TEAD3: variants seen among roughly 807,000 people sequenced by gnomAD.
TEAD3 encodes the protein TEA domain transcription factor 3, also known as transcriptional enhancer factor TEF-5.
Under a neutral mutation model 55.6 loss-of-function variants are expected in TEAD3, and 15 were observed. The observed-to-expected ratio is 0.27, with a 90% confidence interval of 0.18 to 0.42. The LOEUF is 0.42. Ranked by LOEUF, TEAD3 falls within the 10% of genes least tolerant of loss-of-function variation. TEAD3 has a pLI of 1.00. For synonymous variants in TEAD3, 210 were observed against 232.2 expected, an observed-to-expected ratio of 0.90 and a Z score of 0.87; for missense variants, 407 against 576.8, an observed-to-expected ratio of 0.71 and a Z score of 3.01.
chr6:35,486,312 G>T lies in TEAD3; in HGVS notation c.202+149C>A. 1.1e-6 allele frequency: 1 copy of T among 949,296 alleles called. No individual in the cohort carries two copies. Among genetic ancestry groups the T allele is most frequent in the Non-Finnish European group, 1.5e-6 (1 of 651,374 alleles). The allele number at this position is 949,296 out of a possible 1,614,324, so 58.8% of individuals were successfully genotyped here. A position where few individuals can be genotyped will look rare whatever the true frequency, so the allele number is the denominator to read the frequency against. Reference sequence around the variant, plus strand: ...GAGCCCGGCTTGTTTATGAGGAGGAGCGCGGAGGAGGATCCAGACACACAG... The same window carrying T: ...GAGCCCGGCTTGTTTATGAGGAGGATCGCGGAGGAGGATCCAGACACACAG... On this transcript the variant is annotated intron_variant, in intron 2 of 12. Transcript: ENST00000639578. The surrounding 1 kb of genome is among the most constrained non-coding windows in gnomAD (Gnocchi z 7.3).
chr6:35,491,151 G>A lies in TEAD3; in HGVS notation c.-49-4440C>T, dbSNP rs570431876. 3.7e-4 allele frequency among the ~76,000 whole-genome samples: 57 copies of A among 152,126 alleles called. No homozygotes were observed. Among genetic ancestry groups the A allele is most frequent in the African/African-American group, 1.3e-3 (55 of 41,494 alleles). ...TGACAGACAGAAAGCCCAACCCAGT[G>A]GGGGACAGACCAGAGCCCCGCAGAG... On this transcript the variant is annotated intron_variant, in intron 1 of 12. Coordinates refer to ENST00000639578, the Ensembl canonical transcript of TEAD3. The surrounding 1 kb of genome is among the most constrained non-coding windows in gnomAD (Gnocchi z 4.4).
chr6:35,478,584 GGCTGCATGAAGCCAGGGCCAC>G lies in TEAD3; in HGVS notation c.343-34_343-14del. 1.9e-6 allele frequency: 3 copies of G among 1,576,104 alleles called. No homozygotes were observed. Among genetic ancestry groups the G allele is most frequent in the Non-Finnish European group, 2.6e-6 (3 of 1,161,276 alleles). On this transcript the variant is annotated splice_polypyrimidine_tract_variant and intron_variant, in intron 5 of 12. Transcript: ENST00000639578. ...TGGAGACCTGGTCCTGGGGAGAGGAGGCTGCATGAAGCCAGGGCCACGCTGGATGAGGCCAGGCTTGCTTTA... is the reference window on the plus strand; with the variant it reads ...TGGAGACCTGGTCCTGGGGAGAGGAGGCTGGATGAGGCCAGGCTTGCTTTA...
chr6:35,478,148 C>T (rs1332867359), intron 7 of TEAD3, 127 bp downstream of exon 7: 3 of 1,196,082 alleles, frequency 2.5e-6, no homozygotes, highest in East Asian at 2.5e-5. Flanking sequence ...TGAGCCACCA[C>T]CCAGCCTGCA....
rs1437793633 is a variant in TEAD3 at position 35,488,081 on chromosome 6, C to T, written c.-49-1370G>A. On this transcript the variant is annotated intron_variant, in intron 1 of 12. Transcript: ENST00000639578. This position sits in a 1 kb window ranked among gnomAD's most constrained non-coding sequence, Gnocchi z 4.2. ...ATCTTCCCCCAAATCGATAACTAAC[C>T]AGAACTCTGCCAAGGGGCCTAATGT... Among the ~76,000 whole-genome samples, 1 of 152,196 alleles carries T rather than the reference C, an allele frequency of 6.6e-6. No homozygotes were observed. The highest frequency in any genetic ancestry group is 1.5e-5 in the Non-Finnish European group (1 of 68,044).
chr6:35,496,246 C>T lies in TEAD3; in HGVS notation c.-50+652G>A, dbSNP rs992001350. Among the ~76,000 whole-genome samples, 2 of 152,214 alleles carry T rather than the reference C, an allele frequency of 1.3e-5. No individual in the cohort carries two copies. Among genetic ancestry groups the T allele is most frequent in the Non-Finnish European group, 2.9e-5 (2 of 68,040 alleles). On this transcript the variant is annotated intron_variant, in intron 1 of 12. Transcript: ENST00000639578. The surrounding 1 kb of genome is among the most constrained non-coding windows in gnomAD (Gnocchi z 4.8). ...TCCAGACCCCTCCGAGCCAAGCTCACAGCGCTCAGGGCTGGAACTCTGAAT... is the reference window on the plus strand; with the variant it reads ...TCCAGACCCCTCCGAGCCAAGCTCATAGCGCTCAGGGCTGGAACTCTGAAT...
chr6:35,487,548 C>CAAAAA (rs869103103), intron 1 of TEAD3, among the ~76,000 whole-genome samples: 3 of 54,646 alleles, frequency 5.5e-5, no homozygotes, highest in African/African-American at 6.0e-5. Flanking sequence ...CGAGACTCCT[C>CAAAAA]AAAAAAAAAA....
rs1261109002 is a variant in TEAD3 at position 35,475,742 on chromosome 6, G to A, written c.901-36C>T. On this transcript the variant is annotated intron_variant, in intron 10 of 12. Transcript: ENST00000639578. The surrounding 1 kb of genome is among the most constrained non-coding windows in gnomAD (Gnocchi z 5.4). ...GGGTGGGGGGTGTTAGGTGCTGGCA[G>A]AGACCAGAAGTATTCCCGCCACACC... 3 of 1,535,798 alleles carry A rather than the reference G, an allele frequency of 2.0e-6. No individual in the cohort carries two copies. Among genetic ancestry groups the A allele is most frequent in the African/African-American group, 1.4e-5 (1 of 72,814 alleles).
chr6:35,475,751 A>G lies in TEAD3; in HGVS notation c.901-45T>C. 3 of 1,529,832 alleles carry G rather than the reference A, an allele frequency of 2.0e-6. No individual in the cohort carries two copies. The highest frequency in any genetic ancestry group is 2.6e-6 in the Non-Finnish European group (3 of 1,140,934). The allele number at this position is 1,529,832 out of a possible 1,614,324, so 94.8% of individuals were successfully genotyped here. ...GTGTTAGGTGCTGGCAGAGACCAGA[A>G]GTATTCCCGCCACACCACATCAGAG... is the stretch of plus-strand genomic sequence containing the variant. On this transcript the variant is annotated intron_variant, in intron 10 of 12. Transcript: ENST00000639578. This position sits in a 1 kb window ranked among gnomAD's most constrained non-coding sequence, Gnocchi z 5.4.
At chr6:35,480,789 G>C (rs1426564919) in intron 3 of TEAD3, among the ~76,000 whole-genome samples, 1 of 152,184 alleles carries the variant, frequency 6.6e-6, no homozygotes, top group Non-Finnish European at 1.5e-5. Flanking sequence ...TGCTGCCCAA[G>C]CTATGTGTCC....
intron 1 of TEAD3, among the ~76,000 whole-genome samples, chr6:35,493,416 C>G (rs1453099938): frequency 6.6e-6 from 1 of 152,120 alleles, no homozygotes; most frequent in Non-Finnish European, 1.5e-5. Context: ...CCACACTACC[C>G]GAGAGTCCCA....
chr6:35,482,362 C>A lies in TEAD3; in HGVS notation c.267+2198G>T, dbSNP rs57488933. 1.5e-3 allele frequency among the ~76,000 whole-genome samples: 230 copies of A among 152,272 alleles called. 2 individuals carry two copies. In the East Asian group the frequency reaches 0.04, roughly 27 times the overall value. Reference sequence around the variant, plus strand: ...TTGTCCTCACAACCAGAGGACAGATCCCCTTTCACTGGGATGTAAAAACCC... The same window carrying A: ...TTGTCCTCACAACCAGAGGACAGATACCCTTTCACTGGGATGTAAAAACCC... On this transcript the variant is annotated intron_variant, in intron 3 of 12. Coordinates refer to ENST00000639578, the Ensembl canonical transcript of TEAD3.
chr6:35,485,622 G>A lies in TEAD3; in HGVS notation c.202+839C>T, dbSNP rs910391376. On this transcript the variant is annotated intron_variant, in intron 2 of 12. Coordinates refer to ENST00000639578, the Ensembl canonical transcript of TEAD3. This position sits in a 1 kb window ranked among gnomAD's most constrained non-coding sequence, Gnocchi z 4.3. ...ACCCTGTCTAAAAATACCCTGTGGG[G>A]CTCCCCAGCCTGGGAGGCAGCAGTG... 2.0e-5 allele frequency among the ~76,000 whole-genome samples: 3 copies of A among 152,190 alleles called. No individual in the cohort carries two copies. Among genetic ancestry groups the A allele is most frequent in the Non-Finnish European group, 4.4e-5 (3 of 68,028 alleles).
chr6:35,476,269 G>A (rs989068258), intron 9 of TEAD3, 33 bp downstream of exon 9: 1 of 1,603,584 alleles, frequency 6.2e-7, no homozygotes, highest in Non-Finnish European at 8.5e-7. Context: ...CCACAATTGT[G>A]CAAAGCCTCA....
chr6:35,486,715 G>C lies in TEAD3; in HGVS notation c.-49-4C>G, dbSNP rs779435959. On this transcript the variant is annotated splice_polypyrimidine_tract_variant and splice_region_variant and intron_variant, in intron 1 of 12. Transcript: ENST00000639578. This position sits in a 1 kb window ranked among gnomAD's most constrained non-coding sequence, Gnocchi z 7.3. ...TGAGCCCACTGGGCGGCTGAGCCTGGGGGACAGACAGACAGGAACTGGGAC... is the reference window on the plus strand; with the variant it reads ...TGAGCCCACTGGGCGGCTGAGCCTGCGGGACAGACAGACAGGAACTGGGAC... 4 of 1,581,176 alleles carry C rather than the reference G, an allele frequency of 2.5e-6. No individual in the cohort carries two copies. The highest frequency in any genetic ancestry group is 3.4e-6 in the Non-Finnish European group (4 of 1,159,504).
chr6:35,477,158 T>A (rs184002646), intron 8 of TEAD3, among the ~76,000 whole-genome samples, 153 bp downstream of exon 8: 1 of 152,272 alleles, frequency 6.6e-6, no homozygotes, highest in African/African-American at 2.4e-5. Flanking sequence ...GAAGCAACAT[T>A]GTACAAGGTA....
intron 1 of TEAD3, among the ~76,000 whole-genome samples, chr6:35,487,332 T>C (rs370632229): frequency 2.0e-5 from 3 of 152,014 alleles, no homozygotes; most frequent in African/African-American, 7.3e-5. Context: ...GGTGGTTGGA[T>C]CATGAGGTCA....
rs955848466 is a variant in TEAD3, at chr6:35,474,903, G to A, written c.*141C>T. 3.1e-4 allele frequency: 198 copies of A among 640,504 alleles called. 1 individual carries two copies. Among genetic ancestry groups the A allele is most frequent in the Non-Finnish European group, 1.7e-4 (64 of 367,040 alleles). 39.7% of individuals were successfully genotyped at this position (640,504 alleles called of 1,614,324 possible). On this transcript the variant is annotated 3_prime_UTR_variant, in exon 13 of 13. Transcript: ENST00000639578. ...AGTGGCAGGGAGTGTGTGTGCTGGG[G>A]TAGGTGGGGAGGCCTCCTGGGTCCT...
At chr6:35,474,106 TA>T (rs1768091350), downstream of TEAD3, 1 of 152,178 alleles carries the variant, frequency 6.6e-6, no homozygotes. Context: ...AGCCTTCTGC[TA>T]CTCTCTCCCT....
At chr6:35,480,873 GACA>G (rs1768252477) in intron 3 of TEAD3, among the ~76,000 whole-genome samples, 1 of 152,138 alleles carries the variant, frequency 6.6e-6, no homozygotes, top group Admixed American at 6.5e-5. Context: ...CCTCAGAGGA[GACA>G]ACCTTTTTCT....
Sources: gnomAD v4.1 joint callset for allele counts (sites outside exome capture counted in the v4.1 genomes callset) on GRCh38, gnomAD v4.1.1 for gene constraint, Gnocchi (gnomAD v3.1) non-coding constraint, MANE v1.5 for transcripts, NCBI Gene and HGNC (gene_info 2026-07-23, HGNC 2026-07-21) for gene names.